The following RNLS variants were observed in gnomAD, a reference collection of about 807,000 sequenced individuals.
The protein encoded by RNLS is renalase.
Under a neutral mutation model 39.8 loss-of-function variants are expected in RNLS, and 39 were observed. That is an observed-to-expected ratio of 0.98 (90% CI 0.76 to 1.28). The LOEUF (loss-of-function observed/expected upper bound fraction) is 1.28. RNLS is among the 50% of genes most tolerant of loss of function. RNLS has a pLI of 0.00. For synonymous variants in RNLS, 147 were observed against 150.7 expected, an observed-to-expected ratio of 0.98 and a Z score of 0.18; for missense variants, 410 against 413.3, an observed-to-expected ratio of 0.99 and a Z score of 0.07.
intron 4 of RNLS, among the ~76,000 whole-genome samples, chr10:88,502,202 G>A (rs1397066923): frequency 1.3e-5 from 2 of 151,800 alleles, no homozygotes; most frequent in Non-Finnish European, 2.9e-5. Context: ...TAATGGCTAC[G>A]CTATGGCTTG....
chr10:88,529,566 G>C (rs1253785546), intron 4 of RNLS, among the ~76,000 whole-genome samples: 1 of 152,034 alleles, frequency 6.6e-6, no homozygotes, highest in Non-Finnish European at 1.5e-5. Flanking sequence ...TGTAATGATG[G>C]GTAGTAGTGT....
At chr10:88,193,479 T>C in the RNLS span, among the ~76,000 whole-genome samples, 1 of 152,068 alleles carries the variant, frequency 6.6e-6, no homozygotes, top group African/African-American at 2.4e-5. Context: ...GGGACCACTA[T>C]CCCCACCCCA....
At chr10:88,237,618 A>G in the RNLS span, among the ~76,000 whole-genome samples, 1 of 152,234 alleles carries the variant, frequency 6.6e-6, no homozygotes, top group Non-Finnish European at 1.5e-5. Flanking sequence ...AAGACTTTCT[A>G]AGACATTTCT....
chr10:88,374,855 T>C (rs1272564175), intron 4 of RNLS, among the ~76,000 whole-genome samples: 1 of 152,100 alleles, frequency 6.6e-6, no homozygotes, highest in Non-Finnish European at 1.5e-5. Flanking sequence ...ACCTTGGCAC[T>C]TACCCCCAGC....
intron 4 of RNLS, among the ~76,000 whole-genome samples, chr10:88,474,513 G>A (rs1843700524): frequency 1.3e-5 from 2 of 152,042 alleles, no homozygotes; most frequent in African/African-American, 4.8e-5. Flanking sequence ...GTAGGAAGGC[G>A]GTGACTCTCC....
chr10:88,242,297 T>C, the RNLS span, among the ~76,000 whole-genome samples: 1 of 152,222 alleles, frequency 6.6e-6, no homozygotes, highest in Non-Finnish European at 1.5e-5. Flanking sequence ...AATCTTTCAA[T>C]TTTAGGCCAA....
intron 3 of RNLS, among the ~76,000 whole-genome samples, chr10:88,574,650 A>C (rs1045537850): frequency 2.6e-4 from 39 of 152,222 alleles, no homozygotes; most frequent in Non-Finnish European, 2.5e-4. Context: ...AATCAAATGT[A>C]AATGTTAGAA....
chr10:88,366,689 A>AAG (rs1850134639), intron 4 of RNLS, among the ~76,000 whole-genome samples: 1 of 150,208 alleles, frequency 6.7e-6, no homozygotes, highest in South Asian at 2.1e-4. Context: ...AAAAAAAAAA[A>AAG]AAGGAAATCC....
At chr10:88,376,283 G>A (rs867529651) in intron 4 of RNLS, among the ~76,000 whole-genome samples, 2 of 152,120 alleles carry the variant, frequency 1.3e-5, no homozygotes, top group African/African-American at 2.4e-5. Flanking sequence ...TCATATTTTG[G>A]GGTGGCATTT....
the RNLS span, among the ~76,000 whole-genome samples, chr10:88,231,717 A>G: frequency 6.6e-6 from 1 of 152,208 alleles, no homozygotes; most frequent in African/African-American, 2.4e-5. Flanking sequence ...AGTTAAGATG[A>G]GCCCAAAGAG....
chr10:88,288,702 G>A (rs1843456656), intron 6 of RNLS, among the ~76,000 whole-genome samples: 1 of 152,210 alleles, frequency 6.6e-6, no homozygotes, highest in East Asian at 1.9e-4. Flanking sequence ...TTTGATGAGT[G>A]GTAAATGCCA....
At chr10:88,466,942 A>G (rs1471973375) in intron 4 of RNLS, among the ~76,000 whole-genome samples, 2 of 152,144 alleles carry the variant, frequency 1.3e-5, no homozygotes, top group African/African-American at 2.4e-5. Flanking sequence ...TCAAGCTGAC[A>G]TTGTCTATGA....
At chr10:88,460,054 GTTTA>G (rs1252553122) in intron 4 of RNLS, among the ~76,000 whole-genome samples, 1 of 152,134 alleles carries the variant, frequency 6.6e-6, no homozygotes, top group Non-Finnish European at 1.5e-5. Context: ...CAGTTTATTA[GTTTA>G]TTTAATCCTC....
the RNLS span, among the ~76,000 whole-genome samples, chr10:88,248,728 A>C: frequency 6.6e-6 from 1 of 152,138 alleles, no homozygotes; most frequent in Non-Finnish European, 1.5e-5. Flanking sequence ...CAAGATGTTT[A>C]CAGCAGATGA....
intron 4 of RNLS, among the ~76,000 whole-genome samples, chr10:88,384,250 T>C (rs994321819): frequency 3.3e-5 from 5 of 152,164 alleles, no homozygotes; most frequent in African/African-American, 1.2e-4. Flanking sequence ...CTCAAAATAA[T>C]TGTATAAGTT....
chr10:88,557,202 A>G (rs1000046874), intron 4 of RNLS, among the ~76,000 whole-genome samples: 1 of 152,208 alleles, frequency 6.6e-6, no homozygotes, highest in Non-Finnish European at 1.5e-5. Flanking sequence ...GTATCTAAAA[A>G]GTCACAGAAA....
intron 4 of RNLS, among the ~76,000 whole-genome samples, chr10:88,409,009 T>C (rs1161294386): frequency 1.3e-5 from 2 of 152,154 alleles, no homozygotes; most frequent in African/African-American, 4.8e-5. Context: ...CAAAGTATGA[T>C]TCACTTTACA....
intron 6 of RNLS, among the ~76,000 whole-genome samples, chr10:88,289,383 T>C (rs182713868): frequency 2.4e-3 from 360 of 152,268 alleles, no homozygotes; most frequent in African/African-American, 8.3e-3. Context: ...CTTGTACTTC[T>C]GTGGCTTGGA....
At chr10:88,248,706 C>T in the RNLS span, among the ~76,000 whole-genome samples, 1 of 151,894 alleles carries the variant, frequency 6.6e-6, no homozygotes, top group Non-Finnish European at 1.5e-5. Flanking sequence ...TTGATAGTAC[C>T]CTCCCTCCCA....
Sources: allele counts gnomAD v4.1 joint callset (sites outside exome capture counted in the v4.1 genomes callset), GRCh38; gene constraint gnomAD v4.1.1; transcripts MANE v1.5; gene names NCBI Gene and HGNC (gene_info 2026-07-23, HGNC 2026-07-21).